WWP2: variants seen among roughly 807,000 people sequenced by gnomAD.
The protein encoded by WWP2 is NEDD4-like E3 ubiquitin-protein ligase WWP2.
A neutral mutation model predicts 121.0 loss-of-function variants in WWP2; 57 were observed. That is an observed-to-expected ratio of 0.47 (90% CI 0.38 to 0.59). The LOEUF (loss-of-function observed/expected upper bound fraction) is 0.59. Among genes scored for constraint, WWP2 ranks in the 20% least tolerant of loss-of-function variants. The pLI is 0.00. For synonymous variants in WWP2, 449 were observed against 441.3 expected (o/e 1.02, Z -0.22); for missense variants, 962 against 1,158.9 (o/e 0.83, Z 2.47).
chr16:69,823,936 C>T (rs1197955569), intron 4 of WWP2, among the ~76,000 whole-genome samples: 2 of 152,236 alleles, frequency 1.3e-5, no homozygotes, highest in African/African-American at 2.4e-5. Context: ...TGTGCTGTTT[C>T]TCATCAGCCG....
At chr16:69,921,848 C>A (rs551804723) in intron 10 of WWP2, among the ~76,000 whole-genome samples, 1 of 152,020 alleles carries the variant, frequency 6.6e-6, no homozygotes, top group South Asian at 2.1e-4. Context: ...CTGAGGCAGG[C>A]GGATCACTTG....
At chr16:69,936,872 A>G (rs1009771169) in intron 19 of WWP2, 18 of 517,416 alleles carry the variant, frequency 3.5e-5, no homozygotes, top group Non-Finnish European at 5.8e-5. Context: ...TCTGAGGTTC[A>G]GTCGGCGCTG....
intron 10 of WWP2, among the ~76,000 whole-genome samples, chr16:69,920,040 C>A (rs987168115): frequency 7.9e-5 from 12 of 152,102 alleles, no homozygotes; most frequent in African/African-American, 2.9e-4. Context: ...AGCAATCCAC[C>A]TGCCTTGGCC....
intron 7 of WWP2, among the ~76,000 whole-genome samples, chr16:69,876,791 G>A (rs2057743628): frequency 6.6e-6 from 1 of 152,196 alleles, no homozygotes; most frequent in Non-Finnish European, 1.5e-5. Context: ...CTCCATCAGA[G>A]CTCTTGGGTA....
intron 8 of WWP2, among the ~76,000 whole-genome samples, chr16:69,891,421 G>C (rs1414189923): frequency 6.6e-6 from 1 of 152,170 alleles, no homozygotes; most frequent in African/African-American, 2.4e-5. Flanking sequence ...TTTGCAGAAT[G>C]CCTTTATCTT....
At chr16:69,849,069 G>A (rs768010310) in intron 6 of WWP2, among the ~76,000 whole-genome samples, 7 of 152,180 alleles carry the variant, frequency 4.6e-5, no homozygotes, top group Non-Finnish European at 8.8e-5. Flanking sequence ...AAGCCTAACC[G>A]TCTCCGGTGA....
chr16:69,839,389 T>C (rs970934693), intron 4 of WWP2, among the ~76,000 whole-genome samples: 3 of 152,118 alleles, frequency 2.0e-5, no homozygotes, highest in Non-Finnish European at 4.4e-5. Flanking sequence ...AGTAGCAGGG[T>C]GGAGGGTGTG....
chr16:69,829,948 G>A (rs1397266301), intron 4 of WWP2, among the ~76,000 whole-genome samples: 2 of 118,762 alleles, frequency 1.7e-5, no homozygotes, highest in African/African-American at 6.4e-5. Context: ...ACGCCACTGC[G>A]CCCAGCTAAT....
intron 4 of WWP2, among the ~76,000 whole-genome samples, chr16:69,826,260 T>G (rs1175728577): frequency 1.3e-5 from 1 of 75,710 alleles, no homozygotes; most frequent in Non-Finnish European, 2.6e-5. Context: ...AGAGTGAAAC[T>G]CCGTCTCAAA....
At chr16:69,909,856 A>C in intron 9 of WWP2, 1 of 374,480 alleles carries the variant, frequency 2.7e-6, no homozygotes, top group Non-Finnish European at 3.7e-6. Context: ...AAAATTATCA[A>C]CTCATGGCGG....
intron 6 of WWP2, among the ~76,000 whole-genome samples, chr16:69,846,686 A>G (rs556732870): frequency 4.0e-5 from 6 of 151,510 alleles, no homozygotes. Context: ...GCGCCACTGC[A>G]CTCCAGCTGA....
At chr16:69,850,018 C>T (rs577809039) in intron 6 of WWP2, among the ~76,000 whole-genome samples, 64 of 152,264 alleles carry the variant, frequency 4.2e-4, no homozygotes, top group East Asian at 7.7e-4. Flanking sequence ...GGAAGGAAGG[C>T]AAATCTCTGC....
intron 6 of WWP2, among the ~76,000 whole-genome samples, chr16:69,847,558 G>A (rs577326776): frequency 4.0e-5 from 6 of 151,590 alleles, no homozygotes; most frequent in South Asian, 2.1e-4. Context: ...ACAGGCATGC[G>A]CCACCATGCC....
chr16:69,871,409 G>A (rs2057633746), intron 6 of WWP2, among the ~76,000 whole-genome samples: 1 of 152,190 alleles, frequency 6.6e-6, no homozygotes, highest in African/African-American at 2.4e-5. Context: ...CTTTGGATAA[G>A]TTTTGAGCTC....
At chr16:69,790,655 G>A (rs546937239) in intron 2 of WWP2, among the ~76,000 whole-genome samples, 1 of 152,010 alleles carries the variant, frequency 6.6e-6, no homozygotes, top group African/African-American at 2.4e-5. Context: ...GGCTCACTGC[G>A]ACCTCTGTCT....
intron 7 of WWP2, among the ~76,000 whole-genome samples, chr16:69,877,413 A>G (rs1436227214): frequency 1.3e-5 from 2 of 152,242 alleles, no homozygotes; most frequent in Non-Finnish European, 2.9e-5. Flanking sequence ...TTGGCTTAAG[A>G]GAATGTCGAG....
At chr16:69,877,176 C>T (rs141484471) in intron 7 of WWP2, among the ~76,000 whole-genome samples, 2 of 152,186 alleles carry the variant, frequency 1.3e-5, no homozygotes, top group African/African-American at 4.8e-5. Flanking sequence ...GCTGTTGTTT[C>T]GTGTGGCCAA....
chr16:69,888,279 TCTC>T, intron 8 of WWP2, 30 bp downstream of exon 8: 13 of 1,600,568 alleles, frequency 8.1e-6, no homozygotes, highest in Non-Finnish European at 1.1e-5. Flanking sequence ...ATAACAGATC[TCTC>T]CTCCTCAAAG....
chr16:69,889,090 G>C (rs1363354278), intron 8 of WWP2, among the ~76,000 whole-genome samples: 1 of 152,098 alleles, frequency 6.6e-6, no homozygotes, highest in Non-Finnish European at 1.5e-5. Flanking sequence ...GGGGTGGGAG[G>C]ATCACTTGAG....
Sources: gnomAD v4.1 joint callset for allele counts (sites outside exome capture counted in the v4.1 genomes callset) on GRCh38, gnomAD v4.1.1 for gene constraint, MANE v1.5 for transcripts, NCBI Gene and HGNC (gene_info 2026-07-23, HGNC 2026-07-21) for gene names.